Variants in ABCA13 observed in about 807,000 individuals in gnomAD.
The protein encoded by ABCA13 is ATP binding cassette subfamily A member 13.
In ABCA13, 476 loss-of-function variants were observed where a neutral mutation model predicts 478.7. That is an observed-to-expected ratio of 0.99 (90% CI 0.92 to 1.07). The LOEUF (loss-of-function observed/expected upper bound fraction) is 1.07, where lower values mean the gene tolerates loss of function less well. Among genes scored for constraint, ABCA13 ranks in the 50% least tolerant of loss-of-function variants. The pLI is 0.00. For synonymous variants in ABCA13, 2,252 were observed against 2,158.9 expected, an observed-to-expected ratio of 1.04 and a Z score of -1.20; for missense variants, 6,060 against 5,910.6, an observed-to-expected ratio of 1.03 and a Z score of -0.83.
rs1411814953 is a variant in ABCA13, at chr7:48,372,281, T to G, written c.10917T>G (p.Ser3639Arg). The change falls in exon 33 of 62, where the codon AGT becomes AGG. Residue 3639 changes from serine (S) to arginine (R), a missense_variant. Physicochemically the swap from Ser to Arg is moderately radical, Grantham distance 110 (BLOSUM62 -1). Transcript: ENST00000435803. ...SATLAIVLKT[S>R]GIFAHSNTFI... ...CTCTGGCCATCGTTCTGAAAACAAG[T>G]GGCATCTTTGCACACAGCAATACCT... The G allele has an allele frequency of 1.2e-6, 2 of 1,613,864 alleles. No individual in the cohort carries two copies. Among genetic ancestry groups the G allele is most frequent in the Non-Finnish European group, 1.7e-6 (2 of 1,179,872 alleles).
intron 23 of ABCA13, among the ~76,000 whole-genome samples, chr7:48,299,628 G>A (rs548982278): frequency 1.3e-5 from 2 of 152,180 alleles, no homozygotes; most frequent in African/African-American, 2.4e-5. Flanking sequence ...AGGAGTAATC[G>A]GAGCAGCTAC....
chr7:48,493,573 G>A (rs549291183), intron 48 of ABCA13, among the ~76,000 whole-genome samples: 100 of 152,170 alleles, frequency 6.6e-4, no homozygotes, highest in Non-Finnish European at 1.0e-3. Flanking sequence ...GTTGTGGGTG[G>A]TGATGATAGC....
chr7:48,376,743 T>G (rs1813545874), intron 35 of ABCA13, among the ~76,000 whole-genome samples, 171 bp downstream of exon 35: 2 of 152,146 alleles, frequency 1.3e-5, no homozygotes, highest in Admixed American at 1.3e-4. Context: ...TGTGATGCCT[T>G]TGTTTCCCAA....
At position 48,580,228 on chromosome 7, in the gene ABCA13, G is replaced by A. The variant is rs200037299; in HGVS notation, c.14359G>A (p.Ala4787Thr). The change falls in exon 56 of 62, where the codon GCC becomes ACC. Residue 4787 changes from alanine to threonine, a missense_variant. Coordinates refer to ENST00000435803, the MANE Select transcript of ABCA13 (RefSeq NM_152701.5). ...CTGTGCTGCTTCTCTCTGCAGAGAC[G>A]CCGTGGACCTGTCTTCTGCTGGCAC... Reference protein sequence around the residue: ...HAIIRTPMGDAVDLSSAGTAG... With the variant: ...HAIIRTPMGDTVDLSSAGTAG... 72 of 1,608,886 alleles carry A rather than the reference G, an allele frequency of 4.5e-5. No individual in the cohort carries two copies. Among genetic ancestry groups the A allele is most frequent in the Non-Finnish European group, 5.6e-5 (66 of 1,178,032 alleles).
chr7:48,469,226 A>G (rs1368902354), intron 44 of ABCA13, among the ~76,000 whole-genome samples: 4 of 152,226 alleles, frequency 2.6e-5, no homozygotes, highest in African/African-American at 4.8e-5. Flanking sequence ...GTGATACAAT[A>G]AATCATCTCA....
intron 59 of ABCA13, among the ~76,000 whole-genome samples, chr7:48,636,728 C>T: frequency 6.6e-6 from 1 of 152,088 alleles, no homozygotes; most frequent in East Asian, 1.9e-4. Flanking sequence ...AATTGTGAAT[C>T]CCTGGGCTGT....
chr7:48,310,621 C>T (rs1801632695), intron 24 of ABCA13, among the ~76,000 whole-genome samples: 1 of 152,110 alleles, frequency 6.6e-6, no homozygotes, highest in African/African-American at 2.4e-5. Context: ...CCAGGGCCTG[C>T]CCTGGAGAGA....
chr7:48,434,092 T>A (rs539845707), intron 42 of ABCA13, among the ~76,000 whole-genome samples: 1 of 152,026 alleles, frequency 6.6e-6, no homozygotes, highest in Non-Finnish European at 1.5e-5. Flanking sequence ...AATTGCTGTA[T>A]CATTTTCCAC....
At position 48,310,097 on chromosome 7, in the gene ABCA13, G is replaced by C. The variant is rs200808518; in HGVS notation, c.9472G>C (p.Val3158Leu). 71 of 1,613,458 alleles carry C rather than the reference G, an allele frequency of 4.4e-5. 2 individuals carry two copies. In the South Asian group the frequency reaches 7.5e-4, roughly 17 times the overall value. Reference sequence around the variant, plus strand: ...AGGGTCAAAAGTGTATTCTCTGATTGTGTTGCTGAGTCGAAACTTGGATGT... The same window carrying C: ...AGGGTCAAAAGTGTATTCTCTGATTCTGTTGCTGAGTCGAAACTTGGATGT... The part of the protein sequence containing the change: ...LPGSKVYSLI[V>L]LLSRNLDVRA... The change falls in exon 24 of 62, where the codon GTG becomes CTG. Residue 3158 changes from valine to leucine, a missense_variant. Val to Leu is a conservative substitution (Grantham distance 32). This residue lies in a region of ABCA13 where 4,423 missense variants were observed against 4,309.1 expected (regional missense o/e 1.03). Coordinates refer to ENST00000435803, the MANE Select transcript of ABCA13 (RefSeq NM_152701.5).
rs149133275 is a variant in ABCA13 at position 48,358,652 on chromosome 7, A to T, written c.10688+6165A>T. Among the ~76,000 whole-genome samples, 55 of 152,172 alleles carry T rather than the reference A, an allele frequency of 3.6e-4. 1 individual carries two copies. Among genetic ancestry groups the T allele is most frequent in the African/African-American group, 1.3e-3 (53 of 41,398 alleles). The stretch of plus-strand genomic sequence containing the variant: ...CTATGCTGGGATGGATGCAGAGATC[A>T]GCACTATGCAGTTCTTGAGGTCTAG... On this transcript the variant is annotated intron_variant, in intron 31 of 61. Transcript: ENST00000435803.
chr7:48,421,860 G>T (rs532053094), intron 41 of ABCA13, among the ~76,000 whole-genome samples: 13 of 151,574 alleles, frequency 8.6e-5, no homozygotes, highest in African/African-American at 3.2e-4. Flanking sequence ...TATTTGTACC[G>T]CCCTTCACTG....
chr7:48,227,265 G>T lies in ABCA13; in HGVS notation c.472G>T (p.Asp158Tyr), dbSNP rs1228654939. ...SSYGSSFFTM[D>Y]LNKTEEVILK... Reference sequence around the variant, plus strand: ...GGTGTATTTTTTTTCCCATCAGATGGATCTCAATAAGACCGAGGAGGTAAT... The same window carrying T: ...GGTGTATTTTTTTTCCCATCAGATGTATCTCAATAAGACCGAGGAGGTAAT... Residue 158 changes from aspartate (D) to tyrosine (Y), a missense_variant, in exon 6 of 62, where the codon GAT (aspartate) becomes TAT (tyrosine). Asp to Tyr is a radical substitution (Grantham distance 160). This residue lies in a region of ABCA13 where 4,423 missense variants were observed against 4,309.1 expected (regional missense o/e 1.03). Transcript: ENST00000435803. The T allele has an allele frequency of 6.2e-7, 1 of 1,613,246 alleles. No homozygotes were observed. The highest frequency in any genetic ancestry group is 2.2e-5 in the East Asian group (1 of 44,836).
chr7:48,630,722 A>T (rs1247391378), intron 59 of ABCA13, among the ~76,000 whole-genome samples: 2 of 152,134 alleles, frequency 1.3e-5, no homozygotes, highest in East Asian at 3.9e-4. Context: ...GTTTTTGAGA[A>T]GTCACCAAAC....
chr7:48,341,833 GAT>G (rs750528897), intron 29 of ABCA13, among the ~76,000 whole-genome samples: 2,190 of 71,276 alleles, frequency 0.031, 67 homozygotes, highest in Non-Finnish European at 0.046. Context: ...ATATCTTTCT[GAT>G]ATATATATAT....
intron 1 of ABCA13, among the ~76,000 whole-genome samples, chr7:48,191,465 G>A (rs1797097245): frequency 6.6e-6 from 1 of 152,200 alleles, no homozygotes; most frequent in South Asian, 2.1e-4. Flanking sequence ...GCAGTGTGGT[G>A]CAGTCTCGAC....
intron 35 of ABCA13, among the ~76,000 whole-genome samples, chr7:48,383,984 A>T (rs1814785369): frequency 6.6e-6 from 1 of 152,166 alleles, no homozygotes; most frequent in Non-Finnish European, 1.5e-5. Context: ...CTTTTTCCCC[A>T]CTATAAGTAA....
In ABCA13 at chr7:48,467,139, T is replaced by G. The variant is rs562489979; in HGVS notation, c.12905+94T>G. ...TTTTTCTTCATGATTGGTTATTTCA[T>G]GTCACAAGTTTATGTTATAAAAAAT... On this transcript the variant is annotated intron_variant, in intron 44 of 61. Transcript: ENST00000435803. The G allele has an allele frequency of 2.5e-4, 298 of 1,204,960 alleles. No homozygotes were observed. In the African/African-American group the frequency reaches 3.1e-3, roughly 12 times the overall value. 74.6% of individuals were successfully genotyped at this position (1,204,960 alleles called of 1,614,324 possible).
Position 48,275,568 on chromosome 7 carries a change from A to G in ABCA13, c.5902A>G (p.Thr1968Ala), listed in dbSNP as rs1796190729. The change falls in exon 17 of 62, where the codon ACA becomes GCA. Residue 1968 changes from threonine (T) to alanine (A), a missense_variant. This residue lies in a region of ABCA13 where 4,423 missense variants were observed against 4,309.1 expected (regional missense o/e 1.03). Transcript: ENST00000435803. ...TAAAAATGTCAACTTTACAAAAGTT[A>G]CATCAGGTGAAAATATTCTTGACAA... Reference protein sequence around the residue: ...KLKNVNFTKVTSGENILDKLS... With the variant: ...KLKNVNFTKVASGENILDKLS... The G allele has an allele frequency of 6.2e-7, 1 of 1,613,666 alleles. No individual in the cohort carries two copies. Among genetic ancestry groups the G allele is most frequent in the Non-Finnish European group, 8.5e-7 (1 of 1,179,762 alleles).
chr7:48,610,001 G>T lies in ABCA13; in HGVS notation c.14745-5284G>T, dbSNP rs150016567. Among the ~76,000 whole-genome samples, 1,399 of 152,244 alleles carry T rather than the reference G, an allele frequency of 9.2e-3. 9 individuals are homozygous for T. Among genetic ancestry groups the T allele is most frequent in the Middle Eastern group, 0.02 (6 of 294 alleles). Reference sequence around the variant, plus strand: ...ATAACTGGCCTCTCCCATATCTCATGTTTTTCTCACACTGCAAAACACAAT... The same window carrying T: ...ATAACTGGCCTCTCCCATATCTCATTTTTTTCTCACACTGCAAAACACAAT... On this transcript the variant is annotated intron_variant, in intron 58 of 61. Coordinates refer to ENST00000435803, the MANE Select transcript of ABCA13 (RefSeq NM_152701.5).
Sources: allele counts gnomAD v4.1 joint callset (sites outside exome capture counted in the v4.1 genomes callset), GRCh38; gene constraint gnomAD v4.1.1; regional missense constraint gnomAD v4.1.1; transcripts MANE v1.5; gene names NCBI Gene and HGNC (gene_info 2026-07-23, HGNC 2026-07-21).